STX8: variants seen among roughly 807,000 people sequenced by gnomAD.
The protein encoded by STX8 is syntaxin 8.
Under a neutral mutation model 37.5 loss-of-function variants are expected in STX8, and 23 were observed. That is an observed-to-expected ratio of 0.61 (90% CI 0.44 to 0.87). The LOEUF (loss-of-function observed/expected upper bound fraction) is 0.87. Among genes scored for constraint, STX8 ranks in the 40% least tolerant of loss-of-function variants. The pLI is 0.00. For synonymous variants in STX8, 115 were observed against 99.1 expected (o/e 1.16, Z -0.95); for missense variants, 313 against 284.7 (o/e 1.10, Z -0.71).
intron 6 of STX8, among the ~76,000 whole-genome samples, chr17:9,417,434 T>C (rs1194771097): frequency 6.6e-6 from 1 of 152,230 alleles, no homozygotes; most frequent in Non-Finnish European, 1.5e-5. Context: ...CCAGAAATTC[T>C]GATTTAGTTA....
At chr17:9,373,718 T>A (rs1911489062) in intron 7 of STX8, among the ~76,000 whole-genome samples, 4 of 152,114 alleles carry the variant, frequency 2.6e-5, no homozygotes, top group Admixed American at 2.6e-4. Flanking sequence ...GGAGGGTGGA[T>A]CACCCGAGGC....
At chr17:9,562,423 AC>A (rs1907276797) in intron 2 of STX8, among the ~76,000 whole-genome samples, 1 of 151,694 alleles carries the variant, frequency 6.6e-6, no homozygotes, top group Admixed American at 6.6e-5. Flanking sequence ...AAAAAAAAAA[AC>A]TTTCACACGA....
At chr17:9,535,205 TAAAACTCTA>T (rs1905979820) in intron 4 of STX8, among the ~76,000 whole-genome samples, 1 of 151,986 alleles carries the variant, frequency 6.6e-6, no homozygotes, top group Non-Finnish European at 1.5e-5. Context: ...AATAATTACA[TAAAACTCTA>T]CTAAGATATT....
At chr17:9,348,367 G>A (rs569960850) in intron 7 of STX8, among the ~76,000 whole-genome samples, 17 of 146,098 alleles carry the variant, frequency 1.2e-4, no homozygotes, top group Non-Finnish European at 2.2e-4. Context: ...GCAATGAGCC[G>A]AGATTGCGCC....
At chr17:9,364,585 C>G (rs368632406) in intron 7 of STX8, among the ~76,000 whole-genome samples, 1 of 152,046 alleles carries the variant, frequency 6.6e-6, no homozygotes, top group African/African-American at 2.4e-5. Flanking sequence ...GGCTGGAGGG[C>G]AGCGGCGCGA....
At chr17:9,311,150 T>C (rs541765508) in intron 7 of STX8, among the ~76,000 whole-genome samples, 8 of 151,834 alleles carry the variant, frequency 5.3e-5, no homozygotes, top group African/African-American at 1.9e-4. Flanking sequence ...GGCAGGAGAA[T>C]TGCTTGAACC....
chr17:9,407,151 G>A (rs1348485240), intron 6 of STX8, among the ~76,000 whole-genome samples: 1 of 152,200 alleles, frequency 6.6e-6, no homozygotes, highest in African/African-American at 2.4e-5. Context: ...GCACTGGAAA[G>A]TTTTTGCAAG....
At chr17:9,402,946 G>A (rs1222051263) in intron 6 of STX8, among the ~76,000 whole-genome samples, 2 of 152,134 alleles carry the variant, frequency 1.3e-5, no homozygotes, top group African/African-American at 2.4e-5. Flanking sequence ...AGCAGACAAC[G>A]AGCAGAGCTT....
intron 7 of STX8, among the ~76,000 whole-genome samples, chr17:9,296,824 G>A (rs754986245): frequency 3.9e-5 from 6 of 152,190 alleles, no homozygotes; most frequent in Non-Finnish European, 8.8e-5. Context: ...GCTCCAAGGT[G>A]AGACAAAGGT....
At position 9,497,718 on chromosome 17, in the gene STX8, C is replaced by G. The variant is rs1421076718; in HGVS notation, c.449-5797G>C. Among the ~76,000 whole-genome samples, 3 of 152,182 alleles carry G rather than the reference C, an allele frequency of 2.0e-5. No homozygotes were observed. The East Asian group carries it at 5.8e-4, about 29-fold the overall frequency. ...CTGGATTGAGTACAAGATCCAGACC[C>G]CAATGACTGTCTTCTTTTCCTGTGT... On this transcript the variant is annotated intron_variant, in intron 5 of 7. Coordinates refer to ENST00000306357, the MANE Select transcript of STX8 (RefSeq NM_004853.3).
At chr17:9,421,571 A>C (rs750485325) in intron 6 of STX8, among the ~76,000 whole-genome samples, 59 of 151,942 alleles carry the variant, frequency 3.9e-4, no homozygotes, top group Non-Finnish European at 7.1e-4. Flanking sequence ...CTGGGAGTGA[A>C]CTAGGTGTTC....
intron 6 of STX8, among the ~76,000 whole-genome samples, chr17:9,419,737 T>C (rs1428761980): frequency 2.0e-5 from 3 of 152,278 alleles, no homozygotes; most frequent in South Asian, 2.1e-4. Context: ...CCTGAGCCCA[T>C]AGAGCTCTAT....
intron 4 of STX8, among the ~76,000 whole-genome samples, chr17:9,538,340 A>G (rs374560125): frequency 3.9e-5 from 6 of 152,252 alleles, no homozygotes; most frequent in African/African-American, 1.4e-4. Flanking sequence ...TGGTAACAAC[A>G]TTAAGCAATG....
intron 4 of STX8, among the ~76,000 whole-genome samples, chr17:9,520,130 T>A (rs1597721642): frequency 6.6e-6 from 1 of 152,330 alleles, no homozygotes; most frequent in Non-Finnish European, 1.5e-5. Context: ...ATTCAGTAAA[T>A]GTTTATGAAC....
chr17:9,540,411 T>G (rs1906232455), intron 4 of STX8, among the ~76,000 whole-genome samples: 1 of 152,214 alleles, frequency 6.6e-6, no homozygotes, highest in African/African-American at 2.4e-5. Flanking sequence ...TCTACAGGAC[T>G]TGCACTTTTT....
intron 7 of STX8, among the ~76,000 whole-genome samples, chr17:9,315,329 T>C (rs1172015312): frequency 1.3e-5 from 2 of 150,690 alleles, no homozygotes; most frequent in Admixed American, 6.6e-5. Flanking sequence ...TGAGACTTGC[T>C]CCACTGCTGA....
rs2142284470 is a variant in STX8, at chr17:9,378,666, C to G, written c.542-13G>C. ...TCGTCAATTATCTCTAGAAAGGAAA[C>G]ATACATGATTACTATTCCTGAAATA... On this transcript the variant is annotated splice_polypyrimidine_tract_variant and intron_variant, in intron 6 of 7. Coordinates refer to ENST00000306357, the MANE Select transcript of STX8 (RefSeq NM_004853.3). The G allele has an allele frequency of 6.3e-7, 1 of 1,593,392 alleles. No homozygotes were observed. Among genetic ancestry groups the G allele is most frequent in the East Asian group, 2.2e-5 (1 of 44,730 alleles).
chr17:9,474,624 A>C lies in STX8; in HGVS notation c.541+17205T>G, dbSNP rs376915580. Reference sequence around the variant, plus strand: ...CCACAAGACTGTTCTAACTTCAGATACCAGCCATTAGTCCTGGGGTATCCC... The same window carrying C: ...CCACAAGACTGTTCTAACTTCAGATCCCAGCCATTAGTCCTGGGGTATCCC... On this transcript the variant is annotated intron_variant, in intron 6 of 7. Coordinates refer to ENST00000306357, the MANE Select transcript of STX8 (RefSeq NM_004853.3). Among the ~76,000 whole-genome samples, 118 of 152,326 alleles carry C rather than the reference A, an allele frequency of 7.7e-4. No homozygotes were observed. The South Asian group carries it at 0.019, about 25-fold the overall frequency.
rs576460349 is a variant in STX8 at position 9,509,291 on chromosome 17, A to G, written c.324-4129T>C. Among the ~76,000 whole-genome samples the G allele has an allele frequency of 5.3e-5, 8 of 152,242 alleles. No homozygotes were observed. The East Asian group carries it at 1.5e-3, about 29-fold the overall frequency. ...AATGACAAAAAGAAACCAGCAAGAGAAAAGCATCAAATCACCTATGAGGGA... is the reference window on the plus strand; with the variant it reads ...AATGACAAAAAGAAACCAGCAAGAGGAAAGCATCAAATCACCTATGAGGGA... On this transcript the variant is annotated intron_variant, in intron 4 of 7. Transcript: ENST00000306357.
Sources: allele counts gnomAD v4.1 joint callset (sites outside exome capture counted in the v4.1 genomes callset), GRCh38; gene constraint gnomAD v4.1.1; transcripts MANE v1.5; gene names NCBI Gene and HGNC (gene_info 2026-07-23, HGNC 2026-07-21).